The following NIBAN1 variants were observed in gnomAD, a reference collection of about 807,000 sequenced individuals.
NIBAN1 encodes the protein niban apoptosis regulator 1.
Under a neutral mutation model 75.1 loss-of-function variants are expected in NIBAN1, and 81 were observed. The ratio of observed to expected loss-of-function variants is 1.08; its 90% confidence interval spans 0.90 to 1.30. NIBAN1 has a LOEUF of 1.30. NIBAN1 is among the 50% of genes most tolerant of loss of function. The probability of loss-of-function intolerance (pLI) is 0.00; values close to 1 mark genes in which losing one functional copy is unlikely to be tolerated. For missense variants in NIBAN1, 1,133 were observed against 1,128.1 expected (o/e 1.00, Z -0.06); for synonymous variants, 436 against 424.8 (o/e 1.03, Z -0.32).
intron 5 of NIBAN1, among the ~76,000 whole-genome samples, chr1:184,851,948 G>A (rs564122436): frequency 1.4e-4 from 21 of 151,664 alleles, no homozygotes; most frequent in Non-Finnish European, 2.4e-4. Context: ...GAGAGCTCCC[G>A]TGAGCGCTGG....
chr1:184,813,308 C>CAAAATA (rs1654436151), intron 9 of NIBAN1, among the ~76,000 whole-genome samples: 1 of 151,950 alleles, frequency 6.6e-6, no homozygotes, highest in Non-Finnish European at 1.5e-5. Context: ...ATTTTGAAAG[C>CAAAATA]AAAATAAAAA....
chr1:184,845,249 T>C lies in NIBAN1; in HGVS notation c.602-13287A>G, dbSNP rs10911652. 1.6e-3 allele frequency among the ~76,000 whole-genome samples: 239 copies of C among 152,346 alleles called. 2 individuals carry two copies. The highest frequency in any genetic ancestry group is 5.5e-3 in the African/African-American group (230 of 41,572). On this transcript the variant is annotated intron_variant, in intron 5 of 13. Transcript: ENST00000367511. Reference sequence around the variant, plus strand: ...CACTTAGGGTAAATAGGTGATTTCATTGTGAAAACGCTAAGCATTTACAAT... The same window carrying C: ...CACTTAGGGTAAATAGGTGATTTCACTGTGAAAACGCTAAGCATTTACAAT...
At chr1:184,875,364 A>C (rs1014325729) in intron 5 of NIBAN1, among the ~76,000 whole-genome samples, 9 of 152,198 alleles carry the variant, frequency 5.9e-5, no homozygotes, top group Non-Finnish European at 1.0e-4. Context: ...GAGGTCTCTC[A>C]TGAAGCTGCA....
At chr1:184,883,800 A>G (rs1656438946) in intron 5 of NIBAN1, among the ~76,000 whole-genome samples, 1 of 152,192 alleles carries the variant, frequency 6.6e-6, no homozygotes, top group African/African-American at 2.4e-5. Context: ...GGTGATTCTT[A>G]TGAGCCCTAA....
chr1:184,806,790 C>T (rs1281385989), intron 10 of NIBAN1, among the ~76,000 whole-genome samples: 6 of 136,062 alleles, frequency 4.4e-5, no homozygotes, highest in South Asian at 2.4e-4. Context: ...TTTTGAGACA[C>T]GGTTTCACTT....
chr1:184,933,684 C>T (rs1002091079), intron 1 of NIBAN1, among the ~76,000 whole-genome samples: 2 of 152,228 alleles, frequency 1.3e-5, no homozygotes, highest in Non-Finnish European at 2.9e-5. Flanking sequence ...CTATTTCCAT[C>T]AATATTACAG....
At chr1:184,972,142 G>A (rs1469982072) in intron 1 of NIBAN1, among the ~76,000 whole-genome samples, 3 of 152,228 alleles carry the variant, frequency 2.0e-5, no homozygotes, top group Non-Finnish European at 4.4e-5. Flanking sequence ...TGTTAGCAAA[G>A]TTTATCAAGC....
intron 1 of NIBAN1, 78 bp from the exon 2 acceptor site, chr1:184,899,387 C>T: frequency 6.9e-7 from 1 of 1,444,510 alleles, no homozygotes; most frequent in Non-Finnish European, 9.5e-7. Flanking sequence ...AAAACCATCC[C>T]TCCAGTCTCT....
chr1:184,875,285 T>A (rs899430895), intron 5 of NIBAN1, among the ~76,000 whole-genome samples: 6 of 152,144 alleles, frequency 3.9e-5, no homozygotes, highest in Non-Finnish European at 7.4e-5. Context: ...AAACAACAAA[T>A]ATTTATTATC....
intron 6 of NIBAN1, among the ~76,000 whole-genome samples, chr1:184,829,101 C>T (rs1177156901): frequency 6.6e-6 from 1 of 152,140 alleles, no homozygotes; most frequent in Non-Finnish European, 1.5e-5. Context: ...CACCCAGCCC[C>T]TGTGAAACTT....
At chr1:184,799,036 T>C (rs990558518) in intron 12 of NIBAN1, among the ~76,000 whole-genome samples, 1 of 152,148 alleles carries the variant, frequency 6.6e-6, no homozygotes, top group Non-Finnish European at 1.5e-5. Context: ...ATTTTTGTTT[T>C]ATTTTATTTT....
intron 1 of NIBAN1, among the ~76,000 whole-genome samples, chr1:184,925,853 C>T (rs561217310): frequency 3.3e-5 from 5 of 152,260 alleles, no homozygotes; most frequent in Non-Finnish European, 5.9e-5. Context: ...CTACTCAAGA[C>T]GTGAGTAGTT....
intron 2 of NIBAN1, among the ~76,000 whole-genome samples, chr1:184,896,667 T>C (rs1557904786): frequency 6.6e-6 from 1 of 152,332 alleles, no homozygotes; most frequent in East Asian, 1.9e-4. Context: ...AAGATTTCTA[T>C]AGTTTCAGGA....
chr1:184,944,958 G>A lies in NIBAN1; in HGVS notation c.55+29344C>T, dbSNP rs116434311. 1.8e-3 allele frequency among the ~76,000 whole-genome samples: 279 copies of A among 152,248 alleles called. 1 individual carries two copies. The highest frequency in any genetic ancestry group is 6.5e-3 in the African/African-American group (269 of 41,528). On this transcript the variant is annotated intron_variant, in intron 1 of 13. Transcript: ENST00000367511. ...ATCCATGCACCTAGATGGTAATGAG[G>A]ACACAGAGGCATTCGAAAAAGAATT...
intron 12 of NIBAN1, among the ~76,000 whole-genome samples, chr1:184,799,450 C>T (rs57158948): frequency 0.085 from 12,667 of 149,624 alleles, 1,728 homozygotes; most frequent in African/African-American, 0.29. Flanking sequence ...CATTGTTGGA[C>T]ATTTGGGTTG....
intron 1 of NIBAN1, among the ~76,000 whole-genome samples, chr1:184,941,557 G>C (rs1571591383): frequency 6.6e-6 from 1 of 151,782 alleles, no homozygotes; most frequent in South Asian, 2.1e-4. Context: ...GGCTCAGGTG[G>C]GAAGGTCACT....
chr1:184,840,956 A>AGTGTGTGTGTGTGT (rs57091998), intron 5 of NIBAN1, among the ~76,000 whole-genome samples: 6 of 147,974 alleles, frequency 4.1e-5, no homozygotes, highest in African/African-American at 1.5e-4. Flanking sequence ...AAAGAGTGTG[A>AGTGTGTGTGTGTGT]GTGTGTGTGT....
chr1:184,882,938 T>A lies in NIBAN1; in HGVS notation c.601+1695A>T, dbSNP rs558874898. Among the ~76,000 whole-genome samples, 633 of 152,300 alleles carry A rather than the reference T, an allele frequency of 4.2e-3. 4 individuals carry two copies. Among genetic ancestry groups the A allele is most frequent in the African/African-American group, 0.014 (574 of 41,572 alleles). On this transcript the variant is annotated intron_variant, in intron 5 of 13. Coordinates refer to ENST00000367511, the MANE Select transcript of NIBAN1 (RefSeq NM_052966.4). ...GATTTTAATAAGGGTATCATTTTTT[T>A]AAAAAAGTTCCTAACTAGTTATGAT... is the stretch of plus-strand genomic sequence containing the variant.
At chr1:184,894,455 A>T (rs1656748776) in intron 2 of NIBAN1, among the ~76,000 whole-genome samples, 1 of 152,210 alleles carries the variant, frequency 6.6e-6, no homozygotes, top group African/African-American at 2.4e-5. Flanking sequence ...GAACAGAAGC[A>T]TATGGTAGAA....
Sources: gnomAD v4.1 joint callset for allele counts (sites outside exome capture counted in the v4.1 genomes callset) on GRCh38, gnomAD v4.1.1 for gene constraint, MANE v1.5 for transcripts, NCBI Gene and HGNC (gene_info 2026-07-23, HGNC 2026-07-21) for gene names.